Variants in CSMD2 observed in about 807,000 individuals in gnomAD.
CSMD2 encodes the protein CUB and Sushi multiple domains 2.
Under a neutral mutation model 398.5 loss-of-function variants are expected in CSMD2, and 130 were observed. The ratio of observed to expected loss-of-function variants is 0.33; its 90% CI spans 0.28 to 0.38. The LOEUF (loss-of-function observed/expected upper bound fraction) is 0.38, where lower values mean the gene tolerates loss of function less well. CSMD2 is among the 10% of genes least tolerant of loss of function. CSMD2 has a pLI of 1.00. For synonymous variants in CSMD2, 1,828 were observed against 1,908.5 expected, an observed-to-expected ratio of 0.96 and a Z score of 1.10; for missense variants, 3,829 against 4,764.9, an observed-to-expected ratio of 0.80 and a Z score of 5.78.
At chr1:33,886,709 G>T (rs1317024991) in intron 5 of CSMD2, among the ~76,000 whole-genome samples, 1 of 152,206 alleles carries the variant, frequency 6.6e-6, no homozygotes, top group Non-Finnish European at 1.5e-5. Context: ...GCAGCCAGCC[G>T]CAGGAAAGGG....
intron 26 of CSMD2, among the ~76,000 whole-genome samples, chr1:33,659,050 T>G (rs1258377465): frequency 6.6e-6 from 1 of 151,136 alleles, no homozygotes; most frequent in Non-Finnish European, 1.5e-5. Flanking sequence ...AAACCATATT[T>G]GAAGAAAAGT....
At chr1:34,029,434 C>T (rs116450263) in intron 3 of CSMD2, among the ~76,000 whole-genome samples, 1,880 of 152,314 alleles carry the variant, frequency 0.012, 36 homozygotes, top group African/African-American at 0.043. Flanking sequence ...CAACGATAGA[C>T]ATCCCAGGGC....
chr1:33,547,016 A>G (rs923019107), intron 56 of CSMD2, among the ~76,000 whole-genome samples: 5 of 152,352 alleles, frequency 3.3e-5, no homozygotes, highest in Non-Finnish European at 7.3e-5. Context: ...TTCTCACCAC[A>G]AAGAAATGAT....
In CSMD2 at chr1:33,968,851, C is replaced by T. The variant is rs76101964; in HGVS notation, c.518-32897G>A. On this transcript the variant is annotated intron_variant, in intron 3 of 70. Coordinates refer to ENST00000373381, the MANE Select transcript of CSMD2 (RefSeq NM_001281956.2). Reference sequence around the variant, plus strand: ...AACTGTGATTAACTATAACTGTGATCGTTGGTAATTTTGATAATTTATTGG... The same window carrying T: ...AACTGTGATTAACTATAACTGTGATTGTTGGTAATTTTGATAATTTATTGG... 1.0e-2 allele frequency among the ~76,000 whole-genome samples: 1,520 copies of T among 152,322 alleles called. 24 individuals are homozygous for T. The highest frequency in any genetic ancestry group is 0.035 in the African/African-American group (1,455 of 41,574).
At chr1:33,952,661 T>C (rs1645041731) in intron 3 of CSMD2, among the ~76,000 whole-genome samples, 1 of 150,436 alleles carries the variant, frequency 6.6e-6, no homozygotes, top group Non-Finnish European at 1.5e-5. Context: ...TATGTGGTTC[T>C]TGTTTTTGTT....
intron 3 of CSMD2, among the ~76,000 whole-genome samples, chr1:33,976,838 C>A (rs575441672): frequency 6.6e-6 from 1 of 152,204 alleles, no homozygotes; most frequent in Non-Finnish European, 1.5e-5. Flanking sequence ...ATATAGAGTT[C>A]CCAGCATAGT....
intron 5 of CSMD2, among the ~76,000 whole-genome samples, chr1:33,853,756 C>CT (rs1263769545): frequency 6.6e-6 from 1 of 152,064 alleles, no homozygotes; most frequent in Non-Finnish European, 1.5e-5. Flanking sequence ...CAGCTGGCTT[C>CT]TTTGGGGGAG....
intron 37 of CSMD2, among the ~76,000 whole-genome samples, chr1:33,621,268 T>C (rs1641751723): frequency 1.3e-5 from 2 of 152,328 alleles, no homozygotes; most frequent in South Asian, 4.1e-4. Context: ...TGCGGGGACC[T>C]AACACAGGGC....
intron 2 of CSMD2, among the ~76,000 whole-genome samples, chr1:34,042,124 A>G (rs1271284832): frequency 6.6e-6 from 1 of 152,222 alleles, no homozygotes; most frequent in Non-Finnish European, 1.5e-5. Context: ...CTATTAGTAC[A>G]TTGGGTTGAC....
chr1:33,864,444 C>T (rs143319004), intron 5 of CSMD2: 62 of 1,613,586 alleles, frequency 3.8e-5, no homozygotes, highest in Middle Eastern at 1.6e-4. Context: ...GAGGAAGAAA[C>T]GGAGAAAGCG....
At chr1:33,832,551 A>G (rs1659712584) in intron 6 of CSMD2, among the ~76,000 whole-genome samples, 1 of 150,410 alleles carries the variant, frequency 6.6e-6, no homozygotes, top group South Asian at 2.2e-4. Flanking sequence ...GAAAGCAGGA[A>G]AGATCCAAAA....
intron 1 of CSMD2, among the ~76,000 whole-genome samples, chr1:34,156,344 A>T (rs1448379556): frequency 6.6e-6 from 1 of 152,076 alleles, no homozygotes; most frequent in Non-Finnish European, 1.5e-5. Context: ...ACCTGAAGAC[A>T]AACCTCCCGA....
chr1:33,904,873 C>A lies in CSMD2; in HGVS notation c.920+13221G>T, dbSNP rs569814010. ...GTGTTAGCCAGGATGGTCTCAATCT[C>A]CTGACCTCATCATCTGCCCGCCTCG... On this transcript the variant is annotated intron_variant, in intron 5 of 70. Transcript: ENST00000373381. 2.4e-4 allele frequency among the ~76,000 whole-genome samples: 36 copies of A among 152,264 alleles called. No homozygotes were observed. The South Asian group carries it at 7.5e-3, about 32-fold the overall frequency.
At chr1:33,857,309 T>C (rs1639170049) in intron 5 of CSMD2, among the ~76,000 whole-genome samples, 1 of 152,192 alleles carries the variant, frequency 6.6e-6, no homozygotes. Flanking sequence ...TCTTCTTGTA[T>C]TGCTTGCTGC....
At chr1:33,978,395 G>A (rs1052106988) in intron 3 of CSMD2, among the ~76,000 whole-genome samples, 2 of 152,012 alleles carry the variant, frequency 1.3e-5, no homozygotes, top group Non-Finnish European at 2.9e-5. Context: ...CTGGGGATTC[G>A]GTGCTGAGCA....
intron 9 of CSMD2, among the ~76,000 whole-genome samples, chr1:33,813,616 T>C (rs563590975): frequency 1.7e-5 from 2 of 120,556 alleles, no homozygotes; most frequent in African/African-American, 9.4e-5. Flanking sequence ...CTGGACATTA[T>C]CATATAATGG....
chr1:33,831,576 A>G (rs1399621415), intron 6 of CSMD2, among the ~76,000 whole-genome samples: 2 of 152,070 alleles, frequency 1.3e-5, no homozygotes, highest in Non-Finnish European at 2.9e-5. Flanking sequence ...TGTAAAGACC[A>G]TCGAGACTAG....
At chr1:33,632,037 C>T (rs572290985) in intron 32 of CSMD2, among the ~76,000 whole-genome samples, 1 of 151,712 alleles carries the variant, frequency 6.6e-6, no homozygotes, top group Admixed American at 6.6e-5. Flanking sequence ...AAGAACAGAC[C>T]CTTCATAAAA....
intron 13 of CSMD2, among the ~76,000 whole-genome samples, chr1:33,753,412 G>C (rs1031079486): frequency 6.6e-6 from 1 of 152,256 alleles, no homozygotes; most frequent in African/African-American, 2.4e-5. Context: ...GCTCTGGAGA[G>C]TGTAAGCTGC....
Sources: gnomAD v4.1 joint callset for allele counts (sites outside exome capture counted in the v4.1 genomes callset) on GRCh38, gnomAD v4.1.1 for gene constraint, MANE v1.5 for transcripts, NCBI Gene and HGNC (gene_info 2026-07-23, HGNC 2026-07-21) for gene names.